CNBD1: variants seen among roughly 807,000 people sequenced by gnomAD.
The protein encoded by CNBD1 is cyclic nucleotide-binding domain-containing protein 1.
In CNBD1, 71 loss-of-function variants were observed where a neutral mutation model predicts 54.4. That is an observed-to-expected ratio of 1.30 (90% CI 1.08 to 1.59). The LOEUF (loss-of-function observed/expected upper bound fraction) is 1.59. CNBD1 is among the 40% of genes most tolerant of loss of function. The probability of loss-of-function intolerance (pLI) is 0.00; values close to 1 mark genes in which losing one functional copy is unlikely to be tolerated. For synonymous variants in CNBD1, 182 were observed against 170.7 expected, an observed-to-expected ratio of 1.07 and a Z score of -0.51; for missense variants, 659 against 518.0, an observed-to-expected ratio of 1.27 and a Z score of -2.64.
chr8:87,182,497 T>C lies in CNBD1; in HGVS notation c.432-23496T>C, dbSNP rs1813378095. Among the ~76,000 whole-genome samples, 1 of 152,196 alleles carries C rather than the reference T, an allele frequency of 6.6e-6. No individual in the cohort carries two copies. Among genetic ancestry groups the C allele is most frequent in the African/African-American group, 2.4e-5 (1 of 41,448 alleles). ...CATTTTACACAATAGCTGAAATAAT[T>C]ACATTCCCACCAACAGGGTGCAAGA... On this transcript the variant is annotated intron_variant, in intron 4 of 10. Transcript: ENST00000518476. The surrounding 1 kb of genome is among the most constrained non-coding windows in gnomAD (Gnocchi z 4.1).
intron 2 of CNBD1, among the ~76,000 whole-genome samples, chr8:87,391,027 T>C (rs1468323780): frequency 6.9e-6 from 1 of 143,936 alleles, no homozygotes; most frequent in East Asian, 2.0e-4. Context: ...CACTCATAGG[T>C]GGGAATTGAA....
rs1418556930 is a variant in CNBD1 at position 87,133,502 on chromosome 8, G to A, written c.432-72491G>A. On this transcript the variant is annotated intron_variant, in intron 4 of 10. Transcript: ENST00000518476. ...GCTACAATAAATTACCATAAGGTAG[G>A]TATAATTATCCCCCATCATGGAAAA... 3.3e-5 allele frequency among the ~76,000 whole-genome samples: 5 copies of A among 152,246 alleles called. No individual in the cohort carries two copies. The East Asian group carries it at 7.7e-4, about 24-fold the overall frequency.
At position 87,265,928 on chromosome 8, in the gene CNBD1, C is replaced by T. The variant is rs114800808; in HGVS notation, c.772-18750C>T. On this transcript the variant is annotated intron_variant, in intron 6 of 10. Transcript: ENST00000518476. The stretch of plus-strand genomic sequence containing the variant: ...GATTTGGCAATAAAACAAAAAATTC[C>T]CAGAAACTTAGGTAATAATCAGTTG... 6.1e-3 allele frequency among the ~76,000 whole-genome samples: 928 copies of T among 152,036 alleles called. 9 individuals are homozygous for T. Among genetic ancestry groups the T allele is most frequent in the African/African-American group, 0.021 (869 of 41,454 alleles).
chr8:87,358,617 T>C (rs1389268784), intron 10 of CNBD1, among the ~76,000 whole-genome samples: 1 of 152,144 alleles, frequency 6.6e-6, no homozygotes, highest in Non-Finnish European at 1.5e-5. Flanking sequence ...GGCGATCTAT[T>C]ATGGGGATTG....
Position 87,073,799 on chromosome 8 carries a change from C to A in CNBD1, c.432-132194C>A, listed in dbSNP as rs1008498801. ...TAGTCAAGAGGAACAGGATCAGGGA[C>A]CTTCCTAAAGAAGCAGTCTGGGCCG... On this transcript the variant is annotated intron_variant, in intron 4 of 10. Transcript: ENST00000518476. Among the ~76,000 whole-genome samples, 17 of 152,028 alleles carry A rather than the reference C, an allele frequency of 1.1e-4. 2 individuals carry two copies. Among genetic ancestry groups the A allele is most frequent in the Admixed American group, 1.0e-3 (16 of 15,244 alleles).
intron 4 of CNBD1, among the ~76,000 whole-genome samples, chr8:87,197,595 C>G (rs1813748908): frequency 1.3e-5 from 2 of 151,984 alleles, no homozygotes; most frequent in Non-Finnish European, 1.5e-5. Context: ...ATCAGGCATT[C>G]TAAATACGTT....
intron 4 of CNBD1, among the ~76,000 whole-genome samples, chr8:87,092,561 A>ATG (rs1273624494): frequency 5.1e-4 from 8 of 15,606 alleles, no homozygotes; most frequent in Middle Eastern, 0.032. Context: ...ATATATACAC[A>ATG]TATGTGTGTG....
intron 4 of CNBD1, among the ~76,000 whole-genome samples, chr8:87,128,406 C>T (rs928169570): frequency 3.9e-5 from 6 of 152,162 alleles, no homozygotes; most frequent in African/African-American, 9.7e-5. Context: ...TGCTCCCTCT[C>T]GTGAAGGGGG....
chr8:87,422,767 G>C (rs1306389064), intron 2 of CNBD1, among the ~76,000 whole-genome samples: 1 of 151,986 alleles, frequency 6.6e-6, no homozygotes, highest in Non-Finnish European at 1.5e-5. Context: ...GCTCTTTTTT[G>C]GTTCCATATG....
chr8:87,230,231 C>G lies in CNBD1; in HGVS notation c.578-6688C>G, dbSNP rs556597914. On this transcript the variant is annotated intron_variant, in intron 5 of 10. Transcript: ENST00000518476. ...AAACCATTCATGAATGATTCACACCCATGATCCAATCACCTCCCACGGAGG... is the reference window on the plus strand; with the variant it reads ...AAACCATTCATGAATGATTCACACCGATGATCCAATCACCTCCCACGGAGG... Among the ~76,000 whole-genome samples the G allele has an allele frequency of 9.2e-5, 14 of 152,238 alleles. No homozygotes were observed. The East Asian group carries it at 2.7e-3, about 29-fold the overall frequency.
intron 4 of CNBD1, among the ~76,000 whole-genome samples, chr8:86,950,550 A>G (rs1231928120): frequency 2.6e-5 from 4 of 151,918 alleles, no homozygotes; most frequent in Non-Finnish European, 4.4e-5. Context: ...GTTTGCTAGT[A>G]TTTTGTTGAG....
intron 8 of CNBD1, among the ~76,000 whole-genome samples, chr8:87,325,855 G>A (rs1809656493): frequency 6.9e-6 from 1 of 144,954 alleles, no homozygotes. Flanking sequence ...TATGATGTTA[G>A]CTGGTGATTT....
rs549695321 is a variant in CNBD1 at position 87,405,945 on chromosome 8, T to A, written c.214-22601T>A. On this transcript the variant is annotated intron_variant, in intron 2 of 7. Coordinates refer to the CNBD1 transcript ENST00000521593. The stretch of plus-strand genomic sequence containing the variant: ...CTGTTATCTGATAACACTTAAATAG[T>A]ATTCAGGGAGATTGATCATCCAGTG... 9.2e-5 allele frequency among the ~76,000 whole-genome samples: 14 copies of A among 152,252 alleles called. No homozygotes were observed. The South Asian group carries it at 2.9e-3, about 32-fold the overall frequency.
chr8:86,931,301 C>T (rs1467375749), intron 3 of CNBD1, among the ~76,000 whole-genome samples: 1 of 152,122 alleles, frequency 6.6e-6, no homozygotes. Context: ...ACCTGGGGCT[C>T]AGTGAGGGTG....
intron 8 of CNBD1, among the ~76,000 whole-genome samples, chr8:87,309,008 A>G (rs1160523238): frequency 6.6e-6 from 1 of 152,258 alleles, no homozygotes; most frequent in South Asian, 2.1e-4. Flanking sequence ...ACATTTACAT[A>G]GATTCCATAA....
intron 4 of CNBD1, among the ~76,000 whole-genome samples, chr8:86,965,686 C>G (rs1442490231): frequency 6.6e-6 from 1 of 152,120 alleles, no homozygotes; most frequent in African/African-American, 2.4e-5. Context: ...GGCCGGAAAC[C>G]TCTGTGGCTG....
chr8:86,997,284 G>A (rs1808894748), intron 4 of CNBD1, among the ~76,000 whole-genome samples: 2 of 152,052 alleles, frequency 1.3e-5, no homozygotes, highest in Non-Finnish European at 2.9e-5. Context: ...ACTCCTTTTG[G>A]AACACTTAAA....
At chr8:87,004,133 G>T (rs76970427) in intron 4 of CNBD1, among the ~76,000 whole-genome samples, 1 of 152,088 alleles carries the variant, frequency 6.6e-6, no homozygotes, top group South Asian at 2.1e-4. Context: ...TTTATAAATT[G>T]CTGGAGACCG....
chr8:87,000,387 T>C (rs1808967629), intron 4 of CNBD1, among the ~76,000 whole-genome samples: 1 of 152,194 alleles, frequency 6.6e-6, no homozygotes, highest in African/African-American at 2.4e-5. Flanking sequence ...ACCTATTTTC[T>C]TTATAAATTA....
Sources: gnomAD v4.1 joint callset for allele counts (sites outside exome capture counted in the v4.1 genomes callset) on GRCh38, gnomAD v4.1.1 for gene constraint, Gnocchi (gnomAD v3.1) non-coding constraint, MANE v1.5 for transcripts, NCBI Gene and HGNC (gene_info 2026-07-23, HGNC 2026-07-21) for gene names.